The following PIEZO2 variants were observed in gnomAD, a reference collection of about 807,000 sequenced individuals.
The protein encoded by PIEZO2 is piezo-type mechanosensitive ion channel component 2.
PIEZO2 carries 172 observed loss-of-function variants against 337.3 expected under a neutral mutation model. The ratio of observed to expected loss-of-function variants is 0.51; its 90% CI spans 0.45 to 0.58. The LOEUF (loss-of-function observed/expected upper bound fraction) is 0.58. PIEZO2 is among the 20% of genes least tolerant of loss of function. PIEZO2 has a pLI of 0.00. For synonymous variants in PIEZO2, 1,251 were observed against 1,228.5 expected, an observed-to-expected ratio of 1.02 and a Z score of -0.38; for missense variants, 3,028 against 3,391.3, an observed-to-expected ratio of 0.89 and a Z score of 2.66.
chr18:10,773,307 C>A lies in PIEZO2; in HGVS notation c.2785+105G>T. ...ACAAAAACCACTCCAATTTTTATGTCATGGACTGGGTCAAATATATATTCT... is the reference window on the plus strand; with the variant it reads ...ACAAAAACCACTCCAATTTTTATGTAATGGACTGGGTCAAATATATATTCT... On this transcript the variant is annotated intron_variant, in intron 20 of 55. Transcript: ENST00000674853. This position sits in a 1 kb window ranked among gnomAD's most constrained non-coding sequence, Gnocchi z 5.3. The A allele has an allele frequency of 8.5e-7, 1 of 1,177,550 alleles. No homozygotes were observed. The allele number at this position is 1,177,550 out of a possible 1,614,324, so 72.9% of individuals were successfully genotyped here.
chr18:10,730,663 G>T (rs746791996), intron 36 of PIEZO2, among the ~76,000 whole-genome samples: 8 of 152,100 alleles, frequency 5.3e-5, no homozygotes, highest in Non-Finnish European at 8.8e-5. Context: ...TTGTTTCTGA[G>T]TGTTGTTTAA....
chr18:10,738,502 T>C (rs907469134), intron 33 of PIEZO2: 2 of 152,202 alleles, frequency 1.3e-5, no homozygotes, highest in African/African-American at 4.8e-5. Context: ...AAAAAGTCTC[T>C]TATTTCCTTA....
intron 7 of PIEZO2, among the ~76,000 whole-genome samples, chr18:10,845,596 C>T (rs1217289800): frequency 1.3e-5 from 2 of 152,186 alleles, no homozygotes; most frequent in East Asian, 3.8e-4. Context: ...AGCCCTCGGG[C>T]ACACTGTCTT....
At chr18:10,765,528 G>A (rs948782270) in intron 21 of PIEZO2, among the ~76,000 whole-genome samples, 69 of 152,254 alleles carry the variant, frequency 4.5e-4, no homozygotes, top group African/African-American at 1.3e-3. Context: ...TGTGGAATAC[G>A]TATTGCAAGG....
intron 1 of PIEZO2, among the ~76,000 whole-genome samples, chr18:11,135,541 AGATT>A (rs200521691): frequency 1.2e-4 from 18 of 152,280 alleles, no homozygotes; most frequent in African/African-American, 2.2e-4. Flanking sequence ...TTCACGTTGC[AGATT>A]GATTGATTGA....
chr18:10,757,206 G>A (rs1261497250), intron 27 of PIEZO2, among the ~76,000 whole-genome samples: 2 of 150,024 alleles, frequency 1.3e-5, no homozygotes, highest in Non-Finnish European at 3.0e-5. Flanking sequence ...GAGGAGGAGG[G>A]GTGGAGGATG....
chr18:10,954,977 G>C lies in PIEZO2; in HGVS notation c.286+24558C>G, dbSNP rs568957023. On this transcript the variant is annotated intron_variant, in intron 3 of 55. Transcript: ENST00000674853. The surrounding 1 kb of genome is among the most constrained non-coding windows in gnomAD (Gnocchi z 4.2). ...AAAAATTGCTGCCAGTCAATACATA[G>C]AAGGAAACAAAGGGAATAGGGAAAA... 1.3e-5 allele frequency among the ~76,000 whole-genome samples: 2 copies of C among 152,114 alleles called. No homozygotes were observed. The highest frequency in any genetic ancestry group is 6.5e-5 in the Admixed American group (1 of 15,268).
chr18:11,124,983 G>A (rs1246486669), intron 1 of PIEZO2, among the ~76,000 whole-genome samples: 1 of 152,092 alleles, frequency 6.6e-6, no homozygotes, highest in Non-Finnish European at 1.5e-5. Flanking sequence ...TTAAGTCCAG[G>A]TGTAGATCTA....
chr18:10,691,475 A>G (rs1248055533), intron 47 of PIEZO2, 92 bp from the exon 48 acceptor site: 5 of 1,318,962 alleles, frequency 3.8e-6, no homozygotes. Flanking sequence ...GGCCAACAGA[A>G]TTTCCCCTTC....
In PIEZO2 at chr18:10,672,632, A is replaced by G. The variant is rs2033827710; in HGVS notation, c.8345+58T>C. ...GAAGATAAAAGGCTTCCCACTCTCA[A>G]CTTTACATGATACAGAAGTAGACTC... On this transcript the variant is annotated intron_variant, in intron 55 of 55. Transcript: ENST00000674853. The surrounding 1 kb of genome is among the most constrained non-coding windows in gnomAD (Gnocchi z 4.7). The G allele has an allele frequency of 6.4e-7, 1 of 1,553,664 alleles. No individual in the cohort carries two copies. The highest frequency in any genetic ancestry group is 1.4e-5 in the African/African-American group (1 of 71,794).
chr18:11,000,271 T>A (rs562339237), intron 2 of PIEZO2, among the ~76,000 whole-genome samples: 21 of 152,282 alleles, frequency 1.4e-4, no homozygotes, highest in African/African-American at 5.1e-4. Flanking sequence ...TCTAAATCCT[T>A]CCTTGCAAAA....
intron 1 of PIEZO2, among the ~76,000 whole-genome samples, chr18:11,134,917 C>T (rs1423187714): frequency 4.0e-5 from 6 of 151,750 alleles, no homozygotes; most frequent in Non-Finnish European, 5.9e-5. Flanking sequence ...AAATCAGTGC[C>T]CAAGGAGGAT....
At chr18:11,120,706 A>C (rs574089128) in intron 1 of PIEZO2, among the ~76,000 whole-genome samples, 1 of 152,356 alleles carries the variant, frequency 6.6e-6, no homozygotes, top group South Asian at 2.1e-4. Context: ...TCAACTGTAA[A>C]TCTAAGGACA....
rs7241132 is a variant in PIEZO2, at chr18:11,028,678, A to C, written c.160+37449T>G. 0.16 allele frequency among the ~76,000 whole-genome samples: 23,852 copies of C among 152,214 alleles called. 2,359 individuals carry two copies. The highest frequency in any genetic ancestry group is 0.25 in the East Asian group (1,267 of 5,162). On this transcript the variant is annotated intron_variant, in intron 2 of 55. Coordinates refer to ENST00000674853, the MANE Select transcript of PIEZO2 (RefSeq NM_001378183.1). The surrounding 1 kb of genome is among the most constrained non-coding windows in gnomAD (Gnocchi z 4.8). ...AGTAAAACTGTGCAGTATTAGGGAT[A>C]TATGTTTCCTTAGATAGATCCTCAC...
chr18:11,065,188 T>C (rs980426003), intron 2 of PIEZO2, among the ~76,000 whole-genome samples: 7 of 152,234 alleles, frequency 4.6e-5, no homozygotes, highest in Non-Finnish European at 8.8e-5. Context: ...AGAGTCATTA[T>C]TTGTTGTTCT....
At chr18:10,936,477 C>A (rs1443137779) in intron 3 of PIEZO2, among the ~76,000 whole-genome samples, 1 of 152,234 alleles carries the variant, frequency 6.6e-6, no homozygotes. Flanking sequence ...TTTGCAACAA[C>A]CAGCCTGTGG....
At chr18:10,897,903 A>C (rs1420409222) in intron 4 of PIEZO2, among the ~76,000 whole-genome samples, 5 of 152,248 alleles carry the variant, frequency 3.3e-5, no homozygotes. Context: ...CATGTTAATA[A>C]AATACACGGT....
intron 4 of PIEZO2, among the ~76,000 whole-genome samples, chr18:10,882,837 T>TTC (rs1400260296): frequency 1.8e-5 from 2 of 110,332 alleles, no homozygotes; most frequent in Admixed American, 1.0e-4. Flanking sequence ...ACATTTTCTT[T>TTC]TTTTCTTTTT....
At position 10,945,172 on chromosome 18, in the gene PIEZO2, C is replaced by T. The variant is rs2032953076; in HGVS notation, c.287-33944G>A. Among the ~76,000 whole-genome samples, 1 of 152,106 alleles carries T rather than the reference C, an allele frequency of 6.6e-6. No homozygotes were observed. The highest frequency in any genetic ancestry group is 6.5e-5 in the Admixed American group (1 of 15,272). On this transcript the variant is annotated intron_variant, in intron 3 of 55. Transcript: ENST00000674853. The surrounding 1 kb of genome is among the most constrained non-coding windows in gnomAD (Gnocchi z 4.0). The stretch of plus-strand genomic sequence containing the variant: ...ACTACCTGAATCTGAAGAAGACGCC[C>T]TATGATTTTTAGGTGTTATTTTTTA...
Sources: gnomAD v4.1 joint callset for allele counts (sites outside exome capture counted in the v4.1 genomes callset) on GRCh38, gnomAD v4.1.1 for gene constraint, Gnocchi (gnomAD v3.1) non-coding constraint, MANE v1.5 for transcripts, NCBI Gene and HGNC (gene_info 2026-07-23, HGNC 2026-07-21) for gene names.